Variants in SGCZ observed in about 807,000 individuals in gnomAD.
SGCZ encodes zeta-sarcoglycan.
A neutral mutation model predicts 41.3 loss-of-function variants in SGCZ; 40 were observed. That is an observed-to-expected ratio of 0.97 (90% CI 0.75 to 1.26). The LOEUF is 1.26. SGCZ is among the 50% of genes most tolerant of loss of function. SGCZ has a pLI of 0.00. For missense variants in SGCZ, 552 were observed against 369.8 expected, an observed-to-expected ratio of 1.49 and a Z score of -4.04; for synonymous variants, 206 against 137.5, an observed-to-expected ratio of 1.50 and a Z score of -3.49.
chr8:14,551,559 T>TAA (rs1803850143), intron 2 of SGCZ, among the ~76,000 whole-genome samples: 2 of 19,108 alleles, frequency 1.0e-4, no homozygotes, highest in South Asian at 1.2e-3. Context: ...ATAATATATA[T>TAA]TATATATATA....
intron 3 of SGCZ, among the ~76,000 whole-genome samples, chr8:14,245,472 G>C (rs936392599): frequency 2.0e-5 from 3 of 152,126 alleles, no homozygotes; most frequent in Non-Finnish European, 2.9e-5. Context: ...TTAAACGTTA[G>C]ATCTAAAACC....
At chr8:14,286,158 A>G (rs1200514711) in intron 3 of SGCZ, among the ~76,000 whole-genome samples, 1 of 152,010 alleles carries the variant, frequency 6.6e-6, no homozygotes, top group Non-Finnish European at 1.5e-5. Context: ...TCTATAATGA[A>G]TCCTTTGCTT....
At chr8:14,457,265 GAA>G (rs879586577) in intron 2 of SGCZ, among the ~76,000 whole-genome samples, 24 of 152,338 alleles carry the variant, frequency 1.6e-4, no homozygotes, top group South Asian at 8.3e-4. Flanking sequence ...GGTGTAACTA[GAA>G]AAGAGTGCGA....
chr8:15,188,366 T>A (rs1008929053), intron 1 of SGCZ, among the ~76,000 whole-genome samples: 6 of 152,132 alleles, frequency 3.9e-5, no homozygotes, highest in Non-Finnish European at 8.8e-5. Context: ...GTCAACTATA[T>A]TTTAAAGTAT....
intron 2 of SGCZ, among the ~76,000 whole-genome samples, chr8:14,441,563 G>C (rs781267540): frequency 1.3e-5 from 2 of 152,118 alleles, no homozygotes; most frequent in African/African-American, 4.8e-5. Flanking sequence ...GATAGAGCAA[G>C]ACCCCATCTC....
Position 14,417,553 on chromosome 8 carries a change from C to T in SGCZ, c.235-93349G>A, listed in dbSNP as rs533798972. On this transcript the variant is annotated intron_variant, in intron 2 of 7. Transcript: ENST00000382080. Reference sequence around the variant, plus strand: ...TTCCATGAACTGTAATCATTATTTCCCCCCCTTAATTTCGTTTCTTACATT... The same window carrying T: ...TTCCATGAACTGTAATCATTATTTCTCCCCCTTAATTTCGTTTCTTACATT... Among the ~76,000 whole-genome samples, 22 of 151,692 alleles carry T rather than the reference C, an allele frequency of 1.5e-4. 1 individual carries two copies. In the South Asian group the frequency reaches 4.4e-3, roughly 30 times the overall value.
At chr8:15,233,449 T>A (rs1189086628) in intron 1 of SGCZ, among the ~76,000 whole-genome samples, 2 of 152,098 alleles carry the variant, frequency 1.3e-5, no homozygotes, top group African/African-American at 2.4e-5. Context: ...CAGCATTTTT[T>A]AATCAATCTC....
Position 14,153,535 on chromosome 8 carries a change from A to AAG in SGCZ, c.547+11043_547+11044dup, listed in dbSNP as rs534952530. 9.2e-5 allele frequency among the ~76,000 whole-genome samples: 14 copies of AAG among 152,250 alleles called. No homozygotes were observed. In the South Asian group the frequency reaches 2.9e-3, roughly 32 times the overall value. Reference sequence around the variant, plus strand: ...TTTCATACTGTCACTGAGAAGAACAAAGAGAGAAATAAAATGGACCCAAAC... The same window carrying AAG: ...TTTCATACTGTCACTGAGAAGAACAAAGAGAGAGAAATAAAATGGACCCAAAC... On this transcript the variant is annotated intron_variant, in intron 5 of 7. Transcript: ENST00000382080.
chr8:15,181,960 G>A (rs953985958), intron 1 of SGCZ, among the ~76,000 whole-genome samples: 1 of 152,224 alleles, frequency 6.6e-6, no homozygotes, highest in Admixed American at 6.5e-5. Context: ...ATCTTATGCA[G>A]TGAGAAAAAG....
At chr8:15,016,555 G>T (rs73665369) in intron 1 of SGCZ, among the ~76,000 whole-genome samples, 1 of 152,138 alleles carries the variant, frequency 6.6e-6, no homozygotes, top group Non-Finnish European at 1.5e-5. Flanking sequence ...CACTGTTATC[G>T]CAGACGCTCA....
At chr8:14,363,281 T>C (rs913611539) in intron 2 of SGCZ, among the ~76,000 whole-genome samples, 3 of 152,216 alleles carry the variant, frequency 2.0e-5, no homozygotes, top group African/African-American at 7.2e-5. Context: ...GGCAGTCATA[T>C]ACTCTGTGAT....
intron 2 of SGCZ, among the ~76,000 whole-genome samples, chr8:14,421,476 T>C (rs1340965361): frequency 6.6e-6 from 1 of 152,170 alleles, no homozygotes; most frequent in East Asian, 1.9e-4. Flanking sequence ...GTGATCTCCA[T>C]GACAACTCCA....
At chr8:14,783,024 T>C (rs1317025710) in intron 1 of SGCZ, among the ~76,000 whole-genome samples, 1 of 152,230 alleles carries the variant, frequency 6.6e-6, no homozygotes, top group Non-Finnish European at 1.5e-5. Flanking sequence ...TACTTGGAGT[T>C]GTATTATTTT....
intron 3 of SGCZ, among the ~76,000 whole-genome samples, chr8:14,275,730 G>A (rs1289374223): frequency 2.6e-5 from 4 of 152,142 alleles, no homozygotes; most frequent in Admixed American, 1.3e-4. Context: ...AACTGCTGGA[G>A]ATCCCTACCG....
chr8:14,377,570 G>T (rs1804180756), intron 2 of SGCZ, among the ~76,000 whole-genome samples: 1 of 150,590 alleles, frequency 6.6e-6, no homozygotes, highest in South Asian at 2.1e-4. Flanking sequence ...GGGTACATGT[G>T]CACATTGTGC....
chr8:15,194,676 G>T (rs895588839), intron 1 of SGCZ, among the ~76,000 whole-genome samples: 1 of 152,128 alleles, frequency 6.6e-6, no homozygotes, highest in African/African-American at 2.4e-5. Flanking sequence ...AGATCTGAAG[G>T]TTCTACACTG....
rs150559820 is a variant in SGCZ, at chr8:14,476,550, TTCTC to T, written c.234+78178_234+78181del. Among the ~76,000 whole-genome samples, 704 of 152,234 alleles carry T rather than the reference TTCTC, an allele frequency of 4.6e-3. 6 individuals are homozygous for T. The highest frequency in any genetic ancestry group is 6.8e-3 in the Non-Finnish European group (465 of 68,004). Reference sequence around the variant, plus strand: ...TAAAAAGCCCACAATGATGCCACATTTCTCTCTCTAACTCTTGAGAGGACATCTG... The same window carrying T: ...TAAAAAGCCCACAATGATGCCACATTTCTCTAACTCTTGAGAGGACATCTG... On this transcript the variant is annotated intron_variant, in intron 2 of 7. Transcript: ENST00000382080.
chr8:14,838,996 T>C (rs1429332169), intron 1 of SGCZ, among the ~76,000 whole-genome samples: 6 of 152,000 alleles, frequency 3.9e-5, no homozygotes, highest in Non-Finnish European at 8.8e-5. Flanking sequence ...CTCCTCAGTA[T>C]GAAAGAAAGA....
At chr8:14,937,861 ACAT>A (rs1400626524) in intron 1 of SGCZ, among the ~76,000 whole-genome samples, 1 of 152,178 alleles carries the variant, frequency 6.6e-6, no homozygotes, top group Non-Finnish European at 1.5e-5. Flanking sequence ...TAAAGGCATA[ACAT>A]CTGATATTTT....
Sources: allele counts gnomAD v4.1 joint callset (sites outside exome capture counted in the v4.1 genomes callset), GRCh38; gene constraint gnomAD v4.1.1; transcripts MANE v1.5; gene names NCBI Gene and HGNC (gene_info 2026-07-23, HGNC 2026-07-21).